The following FAM193B variants were observed in gnomAD, a reference collection of about 807,000 sequenced individuals.
The protein encoded by FAM193B is protein FAM193B.
Under a neutral mutation model 70.7 loss-of-function variants are expected in FAM193B, and 27 were observed. The ratio of observed to expected loss-of-function variants is 0.38; its 90% CI spans 0.28 to 0.53. The LOEUF is 0.53. Ranked by LOEUF, FAM193B falls within the 20% of genes least tolerant of loss-of-function variation. The pLI, the probability that FAM193B is intolerant of heterozygous loss-of-function variation, is 0.81. For missense variants in FAM193B, 1,022 were observed against 1,072.5 expected (o/e 0.95, Z 0.66); for synonymous variants, 448 against 436.0 (o/e 1.03, Z -0.34).
In FAM193B at chr5:177,538,850, C is replaced by A. The variant is rs935842284; in HGVS notation, c.453+55G>T. ...CACCTGAGGACAGGGAACAGCCTGA[C>A]TTCCTTGGGGAGGAGCCCTCCTGCA... On this transcript the variant is annotated intron_variant, in intron 2 of 8. Transcript: ENST00000514747. This position sits in a 1 kb window ranked among gnomAD's most constrained non-coding sequence, Gnocchi z 4.1. 408 of 1,600,954 alleles carry A rather than the reference C, an allele frequency of 2.5e-4. No homozygotes were observed. Among genetic ancestry groups the A allele is most frequent in the Non-Finnish European group, 3.2e-4 (377 of 1,172,006 alleles).
At chr5:177,525,433 G>A (rs569189646) in intron 5 of FAM193B, 527 of 400,222 alleles carry the variant, frequency 1.3e-3, no homozygotes, top group Non-Finnish European at 2.0e-3. Context: ...GGTTTTTACA[G>A]CTTGTTCACC....
At chr5:177,529,114 G>T (rs1229957665) in intron 5 of FAM193B, among the ~76,000 whole-genome samples, 1 of 152,078 alleles carries the variant, frequency 6.6e-6, no homozygotes, top group African/African-American at 2.4e-5. Context: ...TTCAGTGGAT[G>T]TGGAGGAGTG....
At chr5:177,553,446 G>A (rs1168478076) in intron 1 of FAM193B, 1 of 1,081,894 alleles carries the variant, frequency 9.2e-7, no homozygotes, top group Admixed American at 5.0e-5. Context: ...CCCTCCCAGA[G>A]CAACCGTGGC....
intron 5 of FAM193B, 54 bp from the exon 6 acceptor site, chr5:177,525,259 G>A (rs1762408299): frequency 1.4e-6 from 2 of 1,401,692 alleles, no homozygotes; most frequent in South Asian, 1.7e-5. Flanking sequence ...CAGGCACAAT[G>A]TGATACCTGA....
chr5:177,541,010 A>C (rs1211364077), intron 1 of FAM193B, among the ~76,000 whole-genome samples: 1 of 152,250 alleles, frequency 6.6e-6, no homozygotes, highest in South Asian at 2.1e-4. Context: ...GAAAGGAACC[A>C]AACAGTAGTA....
chr5:177,522,203 T>C, intron 7 of FAM193B, 132 bp from the exon 8 acceptor site: 1 of 704,884 alleles, frequency 1.4e-6, no homozygotes, highest in Non-Finnish European at 2.4e-6. Flanking sequence ...TCTCAGGTGC[T>C]AGGGTTTAGC....
At chr5:177,537,008 T>C (rs1764253986) in intron 3 of FAM193B, among the ~76,000 whole-genome samples, 1 of 152,210 alleles carries the variant, frequency 6.6e-6, no homozygotes, top group Non-Finnish European at 1.5e-5. Flanking sequence ...GAGCAGAAGA[T>C]ATGCATTCTG....
intron 8 of FAM193B, among the ~76,000 whole-genome samples, chr5:177,521,385 C>T (rs1338886882): frequency 1.3e-5 from 2 of 152,226 alleles, no homozygotes; most frequent in African/African-American, 2.4e-5. Context: ...CCATCTGGCA[C>T]CCAGGTCTCT....
At chr5:177,523,028 G>A (rs965975864) in intron 7 of FAM193B, 5 of 167,104 alleles carry the variant, frequency 3.0e-5, no homozygotes, top group South Asian at 2.1e-4. Flanking sequence ...GTAAAAATAC[G>A]TATTTTTTTG....
intron 5 of FAM193B, among the ~76,000 whole-genome samples, chr5:177,526,902 C>T (rs1442628673): frequency 6.6e-6 from 1 of 152,248 alleles, no homozygotes; most frequent in Non-Finnish European, 1.5e-5. Flanking sequence ...GTACGTGAGA[C>T]ATTCTCTGCC....
Position 177,532,811 on chromosome 5 carries a change from C to T in FAM193B, c.1077-170G>A, listed in dbSNP as rs114531749. On this transcript the variant is annotated intron_variant, in intron 4 of 8. Transcript: ENST00000514747. This position sits in a 1 kb window ranked among gnomAD's most constrained non-coding sequence, Gnocchi z 4.9. ...CACCTGAACAGGGCGAACACCTGCA[C>T]TGTCCCTCAAGGCCCATCCCAAACA... Among the ~76,000 whole-genome samples the T allele has an allele frequency of 0.017, 2,524 of 152,340 alleles. 68 individuals carry two copies. Among genetic ancestry groups the T allele is most frequent in the African/African-American group, 0.058 (2,422 of 41,576 alleles).
intron 7 of FAM193B, chr5:177,523,404 A>T: frequency 4.5e-6 from 1 of 220,858 alleles, no homozygotes; most frequent in South Asian, 4.7e-5. Context: ...ATGGAGGGTG[A>T]CTGTATGCCG....
chr5:177,526,501 CCA>C (rs1561754382), intron 5 of FAM193B, among the ~76,000 whole-genome samples: 1 of 151,826 alleles, frequency 6.6e-6, no homozygotes. Flanking sequence ...TCCCCCAGCA[CCA>C]CACAGATTTC....
chr5:177,554,299 G>A lies in FAM193B; in HGVS notation c.160C>T (p.His54Tyr). Residue 54 changes from histidine (H) to tyrosine (Y), a missense_variant, in exon 1 of 9, where the codon CAC (histidine) becomes TAC (tyrosine). His to Tyr is a moderately conservative substitution (Grantham distance 83, BLOSUM62 2). Transcript: ENST00000514747. ...TCGTCATCCTCCCTGGGGCCGTCGT[G>A]GTCGGGCTCCGCCGGCGCCTCCGGA... ...GPPEAPAEPD[H>Y]DGPREDDEPN... 2 of 1,376,576 alleles carry A rather than the reference G, an allele frequency of 1.5e-6. No individual in the cohort carries two copies. Among genetic ancestry groups the A allele is most frequent in the Non-Finnish European group, 1.9e-6 (2 of 1,058,256 alleles). 85.3% of individuals were successfully genotyped at this position (1,376,576 alleles called of 1,614,324 possible).
chr5:177,553,982 G>C, intron 1 of FAM193B: 1 of 1,267,246 alleles, frequency 7.9e-7, no homozygotes, highest in South Asian at 1.6e-5. Context: ...GTCCCAGTGT[G>C]GGTGTACGGC....
intron 1 of FAM193B, among the ~76,000 whole-genome samples, chr5:177,541,630 A>G (rs571695176): frequency 6.6e-6 from 1 of 152,300 alleles, no homozygotes; most frequent in Admixed American, 6.5e-5. Flanking sequence ...GGTGTTAGCC[A>G]GGATGGTCTC....
chr5:177,541,095 G>C (rs1764795586), intron 1 of FAM193B, among the ~76,000 whole-genome samples: 2 of 152,214 alleles, frequency 1.3e-5, no homozygotes, highest in South Asian at 4.1e-4. Flanking sequence ...AATTTTACAT[G>C]TGGAACTCAC....
intron 5 of FAM193B, chr5:177,531,562 T>TG: frequency 2.4e-6 from 3 of 1,227,624 alleles, no homozygotes; most frequent in Non-Finnish European, 3.2e-6. Flanking sequence ...ACCCTGGGCC[T>TG]GGGGGGCCCA....
chr5:177,553,758 A>C (rs1766632280), intron 1 of FAM193B: 2 of 1,287,524 alleles, frequency 1.6e-6, no homozygotes, highest in Non-Finnish European at 2.0e-6. Context: ...TATGGCGAGG[A>C]GGCGCCAGGA....
Sources: gnomAD v4.1 joint callset for allele counts (sites outside exome capture counted in the v4.1 genomes callset) on GRCh38, gnomAD v4.1.1 for gene constraint, Gnocchi (gnomAD v3.1) non-coding constraint, MANE v1.5 for transcripts, NCBI Gene and HGNC (gene_info 2026-07-23, HGNC 2026-07-21) for gene names.